The following DLG2 variants were observed in gnomAD, a reference collection of about 807,000 sequenced individuals.
DLG2 encodes disks large homolog 2.
A neutral mutation model predicts 132.5 loss-of-function variants in DLG2; 45 were observed. The observed-to-expected ratio is 0.34, with a 90% CI of 0.27 to 0.44. The LOEUF (loss-of-function observed/expected upper bound fraction) is 0.44, where lower values mean the gene tolerates loss of function less well. Among genes scored for constraint, DLG2 ranks in the 20% least tolerant of loss-of-function variants. The pLI, the probability that DLG2 is intolerant of heterozygous loss-of-function variation, is 1.00. For synonymous variants in DLG2, 424 were observed against 419.6 expected (o/e 1.01, Z -0.13); for missense variants, 1,045 against 1,196.9 (o/e 0.87, Z 1.87).
At chr11:85,467,859 T>C (rs759945636) in intron 3 of DLG2, among the ~76,000 whole-genome samples, 2 of 152,224 alleles carry the variant, frequency 1.3e-5, no homozygotes, top group Middle Eastern at 3.2e-3. Flanking sequence ...CTTTTTCTAC[T>C]CATTGGAATA....
At chr11:84,613,487 A>C (rs1007078454) in intron 6 of DLG2, among the ~76,000 whole-genome samples, 11 of 152,216 alleles carry the variant, frequency 7.2e-5, no homozygotes, top group Middle Eastern at 6.8e-3. Flanking sequence ...GGTTTCTTCA[A>C]CTGTAAGGTG....
At position 85,051,012 on chromosome 11, in the gene DLG2, C is replaced by T. The variant is rs573041046; in HGVS notation, c.357+60649G>A. Among the ~76,000 whole-genome samples, 7 of 152,194 alleles carry T rather than the reference C, an allele frequency of 4.6e-5. No homozygotes were observed. In the South Asian group the frequency reaches 1.0e-3, roughly 23 times the overall value. Reference sequence around the variant, plus strand: ...ACAATGATTAAGCGAGACAGCCAAGCGCCAGTGCACCATGAAGAACAACAG... The same window carrying T: ...ACAATGATTAAGCGAGACAGCCAAGTGCCAGTGCACCATGAAGAACAACAG... On this transcript the variant is annotated intron_variant, in intron 6 of 27. Transcript: ENST00000376104.
At chr11:85,068,281 G>T (rs2065244412) in intron 6 of DLG2, among the ~76,000 whole-genome samples, 1 of 152,186 alleles carries the variant, frequency 6.6e-6, no homozygotes, top group South Asian at 2.1e-4. Context: ...ATTCAACATT[G>T]TGTTGGAAGT....
chr11:85,191,168 A>G lies in DLG2; in HGVS notation c.187-36517T>C, dbSNP rs919340327. Among the ~76,000 whole-genome samples, 196 of 143,468 alleles carry G rather than the reference A, an allele frequency of 1.4e-3. 1 individual carries two copies. The highest frequency in any genetic ancestry group is 5.1e-3 in the South Asian group (22 of 4,280). 94.1% of individuals were successfully genotyped at this position (143,468 alleles called of 152,430 possible). A position where few individuals can be genotyped will look rare whatever the true frequency, so the allele number is the denominator to read the frequency against. ...TGCGCGCGCGCGCACGCGCGCACAC[A>G]CACACACACACACACACACACACAC... On this transcript the variant is annotated intron_variant, in intron 4 of 27. Transcript: ENST00000376104.
intron 8 of DLG2, among the ~76,000 whole-genome samples, chr11:84,196,556 A>G (rs950203548): frequency 6.6e-6 from 1 of 152,222 alleles, no homozygotes; most frequent in Admixed American, 6.5e-5. Context: ...TTTCAGAAAT[A>G]AAATTTTCTC....
chr11:85,517,557 G>C (rs2094193567), intron 3 of DLG2, among the ~76,000 whole-genome samples: 1 of 151,600 alleles, frequency 6.6e-6, no homozygotes, highest in South Asian at 2.1e-4. Flanking sequence ...AACAAATTCA[G>C]TAAATGTTCA....
chr11:84,147,402 C>A (rs867824926), intron 9 of DLG2, among the ~76,000 whole-genome samples: 1 of 151,896 alleles, frequency 6.6e-6, no homozygotes, highest in East Asian at 1.9e-4. Flanking sequence ...TTTTAATGCA[C>A]GACAAAACAC....
At chr11:84,173,062 C>T (rs2095859989) in intron 8 of DLG2, among the ~76,000 whole-genome samples, 1 of 151,948 alleles carries the variant, frequency 6.6e-6, no homozygotes, top group South Asian at 2.1e-4. Flanking sequence ...AGAAAAATAG[C>T]TTAGGGTTCT....
At chr11:84,906,138 C>G (rs2091476390) in intron 6 of DLG2, among the ~76,000 whole-genome samples, 1 of 150,872 alleles carries the variant, frequency 6.6e-6, no homozygotes, top group South Asian at 2.1e-4. Flanking sequence ...GGAATACACT[C>G]TATAATTTTT....
chr11:83,633,935 A>G (rs1034010252), intron 18 of DLG2, among the ~76,000 whole-genome samples: 4 of 149,918 alleles, frequency 2.7e-5, no homozygotes, highest in Admixed American at 2.6e-4. Flanking sequence ...AATTACCTCA[A>G]AAACAAAAAG....
At chr11:84,486,437 T>G (rs1230253772) in intron 7 of DLG2, among the ~76,000 whole-genome samples, 1 of 152,126 alleles carries the variant, frequency 6.6e-6, no homozygotes, top group South Asian at 2.1e-4. Flanking sequence ...CTAGGCCAAA[T>G]GAAGTTACTG....
intron 3 of DLG2, among the ~76,000 whole-genome samples, chr11:85,506,470 T>G (rs1465743034): frequency 6.6e-6 from 1 of 152,250 alleles, no homozygotes; most frequent in Non-Finnish European, 1.5e-5. Context: ...TATTTCATTA[T>G]GTACCCAGTA....
At chr11:85,321,257 T>A (rs2081048671) in intron 3 of DLG2, among the ~76,000 whole-genome samples, 1 of 151,828 alleles carries the variant, frequency 6.6e-6, no homozygotes, top group South Asian at 2.1e-4. Flanking sequence ...GAGTCACTAT[T>A]TATTAAGATG....
At chr11:84,991,547 G>C (rs1357716738) in intron 6 of DLG2, among the ~76,000 whole-genome samples, 13 of 148,038 alleles carry the variant, frequency 8.8e-5, no homozygotes, top group Non-Finnish European at 1.5e-4. Flanking sequence ...AAGGAAGAAA[G>C]AAAAATAAAG....
At chr11:85,180,248 T>C (rs1291831984) in intron 4 of DLG2, among the ~76,000 whole-genome samples, 1 of 151,794 alleles carries the variant, frequency 6.6e-6, no homozygotes, top group African/African-American at 2.4e-5. Context: ...CAGAGAACAG[T>C]TGTAATTACT....
In DLG2 at chr11:84,876,390, C is replaced by T. The variant is rs569280531; in HGVS notation, c.357+235271G>A. On this transcript the variant is annotated intron_variant, in intron 6 of 27. Transcript: ENST00000376104. ...GTTATTGGTCTACTCAGGGATTTGA[C>T]TTCTTTCTGATTTAGTCTTGGGAGG... Among the ~76,000 whole-genome samples, 16 of 152,242 alleles carry T rather than the reference C, an allele frequency of 1.1e-4. No individual in the cohort carries two copies. In the South Asian group the frequency reaches 3.3e-3, roughly 32 times the overall value.
intron 6 of DLG2, among the ~76,000 whole-genome samples, chr11:85,093,745 G>A (rs1227545240): frequency 4.6e-5 from 7 of 152,140 alleles, no homozygotes; most frequent in African/African-American, 9.7e-5. Flanking sequence ...AGTTACCCCC[G>A]ACTGGGTCCC....
At position 85,403,574 on chromosome 11, in the gene DLG2, A is replaced by T. The variant is rs553920480; in HGVS notation, c.41-118209T>A. On this transcript the variant is annotated intron_variant, in intron 3 of 27. Coordinates refer to ENST00000376104, the MANE Select transcript of DLG2 (RefSeq NM_001142699.3). ...TCAGGTATAGAGGCACAGAGCATGA[A>T]AAGCCTGGCTTTGGGAGAAGAGTCC... 5.9e-5 allele frequency among the ~76,000 whole-genome samples: 9 copies of T among 152,168 alleles called. No individual in the cohort carries two copies. In the South Asian group the frequency reaches 1.9e-3, roughly 31 times the overall value.
chr11:85,331,182 T>G (rs1238304464), intron 3 of DLG2, among the ~76,000 whole-genome samples: 1 of 152,214 alleles, frequency 6.6e-6, no homozygotes, highest in Non-Finnish European at 1.5e-5. Context: ...TATGTTGTCA[T>G]GGCCTATGGA....
Sources: gnomAD v4.1 joint callset for allele counts (sites outside exome capture counted in the v4.1 genomes callset) on GRCh38, gnomAD v4.1.1 for gene constraint, MANE v1.5 for transcripts, NCBI Gene and HGNC (gene_info 2026-07-23, HGNC 2026-07-21) for gene names.